The following ROBO2 variants were observed in gnomAD, a reference collection of about 807,000 sequenced individuals.
ROBO2 encodes roundabout guidance receptor 2.
In ROBO2, 53 loss-of-function variants were observed where a neutral mutation model predicts 160.8. The ratio of observed to expected loss-of-function variants is 0.33; its 90% CI spans 0.26 to 0.41. ROBO2 has a LOEUF of 0.41. Ranked by LOEUF, ROBO2 falls within the 10% of genes least tolerant of loss-of-function variation. The pLI is 1.00. For missense variants in ROBO2, 1,577 were observed against 1,722.4 expected (o/e 0.92, Z 1.49); for synonymous variants, 664 against 611.7 (o/e 1.09, Z -1.26).
chr3:76,316,392 G>A (rs2072030143), intron 2 of ROBO2, among the ~76,000 whole-genome samples: 1 of 152,156 alleles, frequency 6.6e-6, no homozygotes, highest in Non-Finnish European at 1.5e-5. Context: ...GAAGAATTTA[G>A]TGATATCGCT....
intron 2 of ROBO2, among the ~76,000 whole-genome samples, chr3:76,755,703 T>G (rs1474283949): frequency 6.6e-6 from 1 of 151,910 alleles, no homozygotes; most frequent in East Asian, 1.9e-4. Context: ...TAATAATTGC[T>G]ATAAAGTTGT....
intron 2 of ROBO2, among the ~76,000 whole-genome samples, chr3:76,921,813 GT>G (rs1417551644): frequency 6.6e-6 from 1 of 152,016 alleles, no homozygotes; most frequent in African/African-American, 2.4e-5. Flanking sequence ...AAATATGAGG[GT>G]TTTAACAGAA....
chr3:77,379,724 T>C (rs1285944734), intron 2 of ROBO2, among the ~76,000 whole-genome samples: 1 of 152,158 alleles, frequency 6.6e-6, no homozygotes, highest in African/African-American at 2.4e-5. Flanking sequence ...ACCTGCTACT[T>C]CACTTCAATA....
intron 2 of ROBO2, among the ~76,000 whole-genome samples, chr3:77,297,694 T>C (rs896332294): frequency 6.6e-6 from 1 of 152,192 alleles, no homozygotes; most frequent in Admixed American, 6.6e-5. Context: ...CCCACAGTTG[T>C]GTCAAGTCCA....
At chr3:77,186,880 G>A (rs2081332204) in intron 2 of ROBO2, among the ~76,000 whole-genome samples, 1 of 151,884 alleles carries the variant, frequency 6.6e-6, no homozygotes, top group Admixed American at 6.6e-5. Context: ...GATTGAACTG[G>A]CTTGCTGAAT....
chr3:77,350,827 A>C (rs533613270), intron 2 of ROBO2, among the ~76,000 whole-genome samples: 1 of 152,274 alleles, frequency 6.6e-6, no homozygotes, highest in East Asian at 1.9e-4. Flanking sequence ...GACACAAGAG[A>C]GGCCCAGAAG....
chr3:75,942,844 A>G (rs1167957638), intron 2 of ROBO2, among the ~76,000 whole-genome samples: 1 of 152,172 alleles, frequency 6.6e-6, no homozygotes, highest in East Asian at 1.9e-4. Context: ...TGAGAAAATT[A>G]TCTGTGTAGA....
intron 2 of ROBO2, among the ~76,000 whole-genome samples, chr3:76,654,715 T>G (rs1816957): frequency 0.42 from 63,901 of 151,528 alleles, 13,618 homozygotes; most frequent in South Asian, 0.53. Flanking sequence ...AGAAGCGCTA[T>G]ACCAAGAATT....
rs184906929 is a variant in ROBO2, at chr3:76,005,474, G to A, written c.109+67872G>A. On this transcript the variant is annotated intron_variant, in intron 2 of 26. Transcript: ENST00000487694. ...CACTAATGGAGGGGCTTAAGGTATG[G>A]GCAGCCATTTATTTTGTATAAACAG... Among the ~76,000 whole-genome samples, 7 of 152,222 alleles carry A rather than the reference G, an allele frequency of 4.6e-5. No homozygotes were observed. In the East Asian group the frequency reaches 1.4e-3, roughly 29 times the overall value.
At chr3:75,921,843 G>A (rs1947070499) in intron 1 of ROBO2, among the ~76,000 whole-genome samples, 1 of 152,114 alleles carries the variant, frequency 6.6e-6, no homozygotes, top group African/African-American at 2.4e-5. Flanking sequence ...ATAATCGTAA[G>A]CAAAATTCAG....
intron 1 of ROBO2, among the ~76,000 whole-genome samples, chr3:77,064,494 G>T (rs964518502): frequency 1.6e-4 from 25 of 151,606 alleles, no homozygotes; most frequent in Admixed American, 1.6e-3. Flanking sequence ...CCAAGTAGCT[G>T]GGATTACAGG....
intron 2 of ROBO2, among the ~76,000 whole-genome samples, chr3:76,572,237 G>A (rs1480091715): frequency 6.6e-6 from 1 of 152,048 alleles, no homozygotes; most frequent in Non-Finnish European, 1.5e-5. Flanking sequence ...AAAAATCTAA[G>A]ATCCTGAGCA....
intron 2 of ROBO2, among the ~76,000 whole-genome samples, chr3:76,453,428 T>C (rs2109303204): frequency 6.6e-6 from 1 of 152,330 alleles, no homozygotes; most frequent in Admixed American, 6.5e-5. Context: ...ATTTATGAAA[T>C]AGGGAATCCT....
rs549601621 is a variant in ROBO2 at position 76,201,117 on chromosome 3, G to A, written c.109+263515G>A. Among the ~76,000 whole-genome samples, 4 of 152,200 alleles carry A rather than the reference G, an allele frequency of 2.6e-5. No homozygotes were observed. The South Asian group carries it at 8.3e-4, about 32-fold the overall frequency. On this transcript the variant is annotated intron_variant, in intron 2 of 26. Coordinates refer to the ROBO2 transcript ENST00000487694. Reference sequence around the variant, plus strand: ...TGCAAAACAACAAAACAAACCCTGAGGTTTATAAATGGTTTTAATTTTTTT... The same window carrying A: ...TGCAAAACAACAAAACAAACCCTGAAGTTTATAAATGGTTTTAATTTTTTT...
intron 2 of ROBO2, among the ~76,000 whole-genome samples, chr3:76,459,584 T>G (rs2077974056): frequency 6.6e-6 from 1 of 152,186 alleles, no homozygotes; most frequent in South Asian, 2.1e-4. Context: ...AGCAAATAGC[T>G]ACTAGTAGTA....
intron 2 of ROBO2, among the ~76,000 whole-genome samples, chr3:77,260,412 T>A (rs530009009): frequency 6.6e-6 from 1 of 152,172 alleles, no homozygotes; most frequent in African/African-American, 2.4e-5. Context: ...AAAAAAATAG[T>A]TTATTTTTAG....
chr3:77,485,475 T>C (rs2085240751), intron 4 of ROBO2, among the ~76,000 whole-genome samples: 1 of 152,072 alleles, frequency 6.6e-6, no homozygotes. Context: ...GTGGTCTCTT[T>C]ACCCCAGTTT....
At chr3:76,890,392 A>G (rs2074256397) in intron 2 of ROBO2, among the ~76,000 whole-genome samples, 2 of 152,280 alleles carry the variant, frequency 1.3e-5, no homozygotes, top group Admixed American at 6.5e-5. Context: ...TCACGACTAT[A>G]CTTTATTACC....
chr3:77,556,996 C>A (rs2093146004), intron 8 of ROBO2, among the ~76,000 whole-genome samples: 1 of 151,804 alleles, frequency 6.6e-6, no homozygotes, highest in South Asian at 2.1e-4. Flanking sequence ...TAAATGAAAT[C>A]TTACCTCCGG....
Sources: gnomAD v4.1 joint callset for allele counts (sites outside exome capture counted in the v4.1 genomes callset) on GRCh38, gnomAD v4.1.1 for gene constraint, MANE v1.5 for transcripts, NCBI Gene and HGNC (gene_info 2026-07-23, HGNC 2026-07-21) for gene names.